Variants in NEMF observed in about 807,000 individuals in gnomAD.
The protein encoded by NEMF is ribosome quality control complex subunit NEMF.
A neutral mutation model predicts 162.2 loss-of-function variants in NEMF; 89 were observed. That is an observed-to-expected ratio of 0.55 (90% CI 0.46 to 0.65). The LOEUF (loss-of-function observed/expected upper bound fraction) is 0.65, where lower values mean the gene tolerates loss of function less well. Among genes scored for constraint, NEMF ranks in the 30% least tolerant of loss-of-function variants. The pLI is 0.00. For missense variants in NEMF, 1,133 were observed against 1,261.9 expected (o/e 0.90, Z 1.55); for synonymous variants, 421 against 404.5 (o/e 1.04, Z -0.49).
chr14:49,799,322 G>C (rs991080810), intron 25 of NEMF, among the ~76,000 whole-genome samples, 153 bp downstream of exon 25: 2 of 142,584 alleles, frequency 1.4e-5, no homozygotes, highest in Non-Finnish European at 3.0e-5. Context: ...AAATGTATTA[G>C]AGCTTAATAT....
chr14:49,805,543 C>G (rs906895958), intron 19 of NEMF, among the ~76,000 whole-genome samples: 18 of 151,394 alleles, frequency 1.2e-4, no homozygotes, highest in African/African-American at 4.1e-4. Context: ...ACATCATTAA[C>G]CACAAAGAAG....
chr14:49,814,922 CAAACA>C (rs1192082239), intron 16 of NEMF, 65 bp from the exon 17 acceptor site: 4 of 880,018 alleles, frequency 4.5e-6, no homozygotes, highest in Middle Eastern at 2.2e-4. Context: ...ACCCTTTTTG[CAAACA>C]AAACAAAACA....
intron 22 of NEMF, 46 bp downstream of exon 22, chr14:49,802,407 G>A (rs1429061561): frequency 1.9e-6 from 3 of 1,592,944 alleles, no homozygotes; most frequent in African/African-American, 1.4e-5. Context: ...GCAAAACTAG[G>A]TAACAAAAAA....
intron 3 of NEMF, among the ~76,000 whole-genome samples, chr14:49,846,694 G>A (rs1174746584): frequency 6.6e-6 from 1 of 152,106 alleles, no homozygotes; most frequent in African/African-American, 2.4e-5. Context: ...CAAACTCCTG[G>A]GCACAAGCAA....
At chr14:49,841,449 C>A (rs951636071) in intron 4 of NEMF, among the ~76,000 whole-genome samples, 3 of 151,348 alleles carry the variant, frequency 2.0e-5, no homozygotes, top group Non-Finnish European at 4.4e-5. Context: ...TGGTGCATGC[C>A]TGTAATCCCA....
intron 5 of NEMF, among the ~76,000 whole-genome samples, chr14:49,838,583 TGG>T (rs1176094876): frequency 2.0e-5 from 3 of 149,578 alleles, no homozygotes; most frequent in African/African-American, 7.4e-5. Context: ...TTTTTTTGTT[TGG>T]TTTTTTTTTT....
At chr14:49,817,338 A>C (rs989088227) in intron 16 of NEMF, among the ~76,000 whole-genome samples, 1 of 152,080 alleles carries the variant, frequency 6.6e-6, no homozygotes, top group South Asian at 2.1e-4. Flanking sequence ...AGCTACTCAG[A>C]GGGCTGAGGC....
chr14:49,834,022 T>C (rs77333291), intron 7 of NEMF: 471 of 412,176 alleles, frequency 1.1e-3, no homozygotes, highest in African/African-American at 8.7e-3. Context: ...ACTGATTTAG[T>C]ATATTGCAGA....
chr14:49,816,817 A>C (rs3126200), intron 16 of NEMF, among the ~76,000 whole-genome samples: 143,067 of 152,228 alleles, frequency 0.94, 67,873 homozygotes, highest in Non-Finnish European at 1. Context: ...TAAAAAGACA[A>C]AGACATAGGG....
intron 16 of NEMF, among the ~76,000 whole-genome samples, chr14:49,822,552 A>G (rs1256439844): frequency 1.3e-5 from 2 of 150,312 alleles, no homozygotes; most frequent in Non-Finnish European, 3.0e-5. Context: ...TGGCAGGGCC[A>G]GGCATGGTGG....
At chr14:49,804,544 A>C (rs1318291551) in intron 19 of NEMF, among the ~76,000 whole-genome samples, 1 of 151,896 alleles carries the variant, frequency 6.6e-6, no homozygotes, top group East Asian at 1.9e-4. Context: ...GTGGGTGCCT[A>C]TAATCCCAGC....
At chr14:49,790,304 G>A (rs554028196) in intron 26 of NEMF, among the ~76,000 whole-genome samples, 1 of 152,220 alleles carries the variant, frequency 6.6e-6, no homozygotes, top group South Asian at 2.1e-4. Context: ...ATCCGAGAAA[G>A]GACTTGTATT....
chr14:49,800,521 A>T lies in NEMF; in HGVS notation c.2271T>A (p.Val757=). The change falls in exon 23 of 33, where the codon GTT becomes GTA. Residue 757 remains valine (V), a synonymous_variant. Coordinates refer to ENST00000298310, the MANE Select transcript of NEMF (RefSeq NM_004713.6). ...CACCAACAGAATCCTGATCTTTTCTAACCTCTTCATATTCTCCTTCGTCTT... is the reference window on the plus strand; with the variant it reads ...CACCAACAGAATCCTGATCTTTTCTTACCTCTTCATATTCTCCTTCGTCTT... ...SSEDEGEYEE[V]RKDQDSVGEM... The T allele has an allele frequency of 6.2e-7, 1 of 1,613,924 alleles. No homozygotes were observed. The highest frequency in any genetic ancestry group is 8.5e-7 in the Non-Finnish European group (1 of 1,179,894).
At position 49,828,719 on chromosome 14, in the gene NEMF, T is replaced by C. The variant is rs1444857575; in HGVS notation, c.1321A>G (p.Lys441Glu). 1.2e-6 allele frequency: 2 copies of C among 1,604,668 alleles called. No homozygotes were observed. Among genetic ancestry groups the C allele is most frequent in the Admixed American group, 3.5e-5 (2 of 57,808 alleles). The change falls in exon 14 of 33, where the codon AAA (lysine) becomes GAA (glutamate). Residue 441 changes from lysine to glutamate, a missense_variant. Coordinates refer to ENST00000298310, the MANE Select transcript of NEMF (RefSeq NM_004713.6). ...EKNETEPPKG[K>E]KKKQKNKQLQ... ...TGTTTATTCTTTTGTTTTTTCTTTT[T>C]TCCTTTTGGTGGTTCAGTTTCATTT...
chr14:49,799,524 T>C lies in NEMF; in HGVS notation c.2416A>G (p.Ser806Gly), dbSNP rs779844487. The part of the protein sequence containing the change: ...LASKEESSNS[S>G]DSKSQSRRHL... ...CTCCGGCTCTGTGATTTACTGTCAC[T>C]CTATTAAAACAAAAAAACAGGCAAA... The change falls in exon 25 of 33, where the codon AGT becomes GGT. Residue 806 changes from serine to glycine, a missense_variant and splice_region_variant. By Grantham distance (56) the Ser-to-Gly change is moderately conservative (BLOSUM62 0). Transcript: ENST00000298310. 1 of 1,612,006 alleles carries C rather than the reference T, an allele frequency of 6.2e-7. No homozygotes were observed. Among genetic ancestry groups the C allele is most frequent in the Non-Finnish European group, 8.5e-7 (1 of 1,179,502 alleles).
intron 19 of NEMF, among the ~76,000 whole-genome samples, chr14:49,804,394 G>T (rs1408262018): frequency 6.6e-6 from 1 of 151,962 alleles, no homozygotes; most frequent in Non-Finnish European, 1.5e-5. Context: ...AAAAAATTTT[G>T]GGGCCAGGTA....
At chr14:49,834,518 T>TGGA in intron 6 of NEMF, 69 bp from the exon 7 acceptor site, 1 of 1,179,708 alleles carries the variant, frequency 8.5e-7, no homozygotes, top group Non-Finnish European at 1.2e-6. Flanking sequence ...TTTTTTGAGA[T>TGGA]GGAGTTTTAC....
At chr14:49,811,671 C>G (rs1307671527) in intron 18 of NEMF, among the ~76,000 whole-genome samples, 4 of 152,098 alleles carry the variant, frequency 2.6e-5, no homozygotes, top group African/African-American at 9.7e-5. Context: ...TGAATTTTGT[C>G]AAATGGTTTT....
chr14:49,831,585 A>G (rs1351390513), intron 10 of NEMF, among the ~76,000 whole-genome samples: 1 of 151,932 alleles, frequency 6.6e-6, no homozygotes, highest in East Asian at 1.9e-4. Flanking sequence ...CTACAGGTGC[A>G]CCCCACCACA....
Sources: gnomAD v4.1 joint callset for allele counts (sites outside exome capture counted in the v4.1 genomes callset) on GRCh38, gnomAD v4.1.1 for gene constraint, MANE v1.5 for transcripts, NCBI Gene and HGNC (gene_info 2026-07-23, HGNC 2026-07-21) for gene names.